EZH2: variants seen among roughly 807,000 people sequenced by gnomAD.
EZH2 encodes enhancer of zeste 2 polycomb repressive complex 2 subunit.
In EZH2, 18 loss-of-function variants were observed where a neutral mutation model predicts 98.4. The observed-to-expected ratio is 0.18, with a 90% CI of 0.13 to 0.27. The LOEUF (loss-of-function observed/expected upper bound fraction) is 0.27. Ranked by LOEUF, EZH2 falls within the 10% of genes least tolerant of loss-of-function variation. The pLI, the probability that EZH2 is intolerant of heterozygous loss-of-function variation, is 1.00. For missense variants in EZH2, 470 were observed against 935.1 expected (o/e 0.50, Z 6.49); for synonymous variants, 338 against 312.3 (o/e 1.08, Z -0.87).
chr7:148,836,752 A>C, intron 3 of EZH2: 1 of 443,742 alleles, frequency 2.3e-6, no homozygotes, highest in Admixed American at 2.7e-5. Context: ...ATTACCAAGG[A>C]TGCTACATTT....
intron 19 of EZH2, 56 bp from the exon 20 acceptor site, chr7:148,807,762 A>G (rs1584845607): frequency 1.8e-6 from 2 of 1,123,216 alleles, no homozygotes; most frequent in Non-Finnish European, 2.6e-6. Context: ...ACATGTGCTG[A>G]GACTTAACAC....
chr7:148,871,450 C>CAGG (rs943351627), intron 1 of EZH2, among the ~76,000 whole-genome samples: 6 of 148,840 alleles, frequency 4.0e-5, no homozygotes, highest in African/African-American at 1.5e-4. Flanking sequence ...AGACTGGTTC[C>CAGG]AGGACCACCT....
chr7:148,879,694 A>AAATAAAT (rs777067997), intron 1 of EZH2, among the ~76,000 whole-genome samples: 1 of 152,114 alleles, frequency 6.6e-6, no homozygotes, highest in African/African-American at 2.4e-5. Context: ...CATCTCAAAA[A>AAATAAAT]AATAAATAAT....
rs548347672 is a variant in EZH2, at chr7:148,819,761, G to A, written c.908-74C>T. On this transcript the variant is annotated intron_variant, in intron 8 of 19. Coordinates refer to ENST00000320356, the MANE Select transcript of EZH2 (RefSeq NM_004456.5). ...CTTTTTCACTCTTCCAGTTCCACTG[G>A]AAAAGTCAATTAATGGATTATAATC... 5.1e-4 allele frequency: 673 copies of A among 1,325,488 alleles called. 1 individual carries two copies. The highest frequency in any genetic ancestry group is 1.9e-3 in the Admixed American group (101 of 54,302). The allele number at this position is 1,325,488 out of a possible 1,614,324, so 82.1% of individuals were successfully genotyped here. A position where few individuals can be genotyped will look rare whatever the true frequency, so the allele number is the denominator to read the frequency against.
rs766757543 is a variant in EZH2, at chr7:148,814,064, G to T, written c.1746C>A (p.Val582=). ...GACAGAGGTCAGGGTCACACTCTCG[G>T]ACAGCCAGGTAGCACGGGCACTGCT... The part of the protein sequence containing the change: ...NTKQCPCYLA[V]RECDPDLCLT... The change falls in exon 15 of 20, where the codon GTC becomes GTA. Residue 582 remains valine (V), a synonymous_variant. Coordinates refer to ENST00000320356, the MANE Select transcript of EZH2 (RefSeq NM_004456.5). The T allele has an allele frequency of 1.2e-6, 2 of 1,614,188 alleles. No individual in the cohort carries two copies. Among genetic ancestry groups the T allele is most frequent in the South Asian group, 1.1e-5 (1 of 91,082 alleles).
intron 19 of EZH2, among the ~76,000 whole-genome samples, chr7:148,808,047 C>G (rs764402328): frequency 6.6e-6 from 1 of 152,126 alleles, no homozygotes; most frequent in Non-Finnish European, 1.5e-5. Flanking sequence ...TTAGGCCTGA[C>G]GCTGGGAAGG....
chr7:148,832,358 C>A (rs1301490291), intron 4 of EZH2, among the ~76,000 whole-genome samples: 1 of 152,210 alleles, frequency 6.6e-6, no homozygotes, highest in Admixed American at 6.5e-5. Flanking sequence ...GGATTACAGG[C>A]ATGAGCCACA....
intron 5 of EZH2, 142 bp downstream of exon 5, chr7:148,829,586 G>A: frequency 3.7e-6 from 3 of 811,762 alleles, no homozygotes; most frequent in Non-Finnish European, 5.5e-6. Context: ...TCTTAGGCCT[G>A]GGCCCAGGTT....
intron 1 of EZH2, among the ~76,000 whole-genome samples, chr7:148,877,052 G>T (rs1349139900): frequency 2.0e-5 from 3 of 151,700 alleles, no homozygotes; most frequent in Non-Finnish European, 4.4e-5. Flanking sequence ...AGCCCTAAAG[G>T]AATATCAATT....
intron 1 of EZH2, among the ~76,000 whole-genome samples, chr7:148,879,579 TA>T (rs1820667950): frequency 6.6e-6 from 1 of 151,670 alleles, no homozygotes; most frequent in African/African-American, 2.4e-5. Flanking sequence ...TAATCCCAAC[TA>T]CTTGAGAGGT....
At chr7:148,813,189 T>TTACTCC (rs1374792824) in intron 15 of EZH2, among the ~76,000 whole-genome samples, 10 of 152,060 alleles carry the variant, frequency 6.6e-5, no homozygotes, top group African/African-American at 2.4e-4. Context: ...GGGTTAACAC[T>TTACTCC]TACTCCTCAC....
chr7:148,857,992 A>T (rs1449637264), intron 1 of EZH2, among the ~76,000 whole-genome samples: 1 of 122,394 alleles, frequency 8.2e-6, no homozygotes, highest in Non-Finnish European at 1.7e-5. Context: ...ACATAGGATT[A>T]AAAAAAAAAA....
At chr7:148,883,671 C>G (rs1821364842) in intron 1 of EZH2, among the ~76,000 whole-genome samples, 1 of 151,406 alleles carries the variant, frequency 6.6e-6, no homozygotes, top group South Asian at 2.1e-4. Context: ...CCCCTCGCGC[C>G]GAGCCCTCCG....
At chr7:148,866,268 A>G (rs1818427991) in intron 1 of EZH2, among the ~76,000 whole-genome samples, 1 of 151,686 alleles carries the variant, frequency 6.6e-6, no homozygotes, top group African/African-American at 2.4e-5. Flanking sequence ...TCCCTCAAAA[A>G]CTCAGGTGTT....
In EZH2 at chr7:148,841,898, A is replaced by C. The variant is rs189199746; in HGVS notation, c.246+4572T>G. On this transcript the variant is annotated intron_variant, in intron 3 of 19. Coordinates refer to ENST00000320356, the MANE Select transcript of EZH2 (RefSeq NM_004456.5). ...TATTTTGATAGAAGCTTCTCCCCCC[A>C]AAAAAATCTGCTAATATCAAATGCT... 5.1e-4 allele frequency among the ~76,000 whole-genome samples: 77 copies of C among 152,228 alleles called. 3 individuals carry two copies. In the East Asian group the frequency reaches 0.011, roughly 22 times the overall value.
chr7:148,842,911 AC>A, intron 3 of EZH2, among the ~76,000 whole-genome samples: 1 of 151,878 alleles, frequency 6.6e-6, no homozygotes, highest in South Asian at 2.1e-4. Flanking sequence ...ACAAAATAAT[AC>A]AAAAAAATTA....
At chr7:148,833,849 T>C (rs1810116630) in intron 3 of EZH2, among the ~76,000 whole-genome samples, 1 of 152,208 alleles carries the variant, frequency 6.6e-6, no homozygotes, top group Admixed American at 6.5e-5. Flanking sequence ...GTTCTCGGGC[T>C]AGAATGTAAA....
intron 3 of EZH2, among the ~76,000 whole-genome samples, chr7:148,837,285 T>C (rs937248641): frequency 3.9e-5 from 6 of 152,230 alleles, no homozygotes; most frequent in Non-Finnish European, 7.3e-5. Context: ...ATTTATTTCA[T>C]GCCAGAGACA....
chr7:148,807,780 C>G (rs1801869728), intron 19 of EZH2, 74 bp from the exon 20 acceptor site: 1 of 886,074 alleles, frequency 1.1e-6, no homozygotes, highest in Non-Finnish European at 1.8e-6. Flanking sequence ...CACAACAAAG[C>G]CTGCTGAAGA....
Sources: gnomAD v4.1 joint callset for allele counts (sites outside exome capture counted in the v4.1 genomes callset) on GRCh38, gnomAD v4.1.1 for gene constraint, MANE v1.5 for transcripts, NCBI Gene and HGNC (gene_info 2026-07-23, HGNC 2026-07-21) for gene names.